The following PRIM2 variants were observed in gnomAD, a reference collection of about 807,000 sequenced individuals.
PRIM2 encodes DNA primase subunit 2.
In PRIM2, 39 loss-of-function variants were observed where a neutral mutation model predicts 67.3. The observed-to-expected ratio is 0.58, with a 90% CI of 0.45 to 0.76. The LOEUF (loss-of-function observed/expected upper bound fraction) is 0.76, where lower values mean the gene tolerates loss of function less well. Among genes scored for constraint, PRIM2 ranks in the 30% least tolerant of loss-of-function variants. The pLI, the probability that PRIM2 is intolerant of heterozygous loss-of-function variation, is 0.00. For missense variants in PRIM2, 398 were observed against 598.7 expected (o/e 0.66, Z 3.50); for synonymous variants, 143 against 198.7 (o/e 0.72, Z 2.36).
intron 5 of PRIM2, among the ~76,000 whole-genome samples, chr6:57,343,859 G>T (rs1261102307): frequency 6.6e-6 from 1 of 152,212 alleles, no homozygotes; most frequent in African/African-American, 2.4e-5. Flanking sequence ...AGAAGCTGAA[G>T]TTGGAATATG....
chr6:57,569,507 A>G (rs1298789486), intron 10 of PRIM2, among the ~76,000 whole-genome samples: 1 of 152,140 alleles, frequency 6.6e-6, no homozygotes, highest in African/African-American at 2.4e-5. Flanking sequence ...TCTTAAAACC[A>G]AAACACTGAT....
intron 5 of PRIM2, among the ~76,000 whole-genome samples, chr6:57,356,214 T>C (rs1196511946): frequency 6.6e-6 from 1 of 152,218 alleles, no homozygotes; most frequent in Non-Finnish European, 1.5e-5. Context: ...TGCTATTTAC[T>C]AGTTGTTTTT....
chr6:57,390,773 A>G (rs559925692), intron 7 of PRIM2, among the ~76,000 whole-genome samples: 1 of 152,108 alleles, frequency 6.6e-6, no homozygotes, highest in East Asian at 1.9e-4. Flanking sequence ...CACTTTCTTT[A>G]TCTAGTCTGT....
At chr6:57,602,933 C>T (rs1455909774) in intron 11 of PRIM2, among the ~76,000 whole-genome samples, 12 of 152,194 alleles carry the variant, frequency 7.9e-5, no homozygotes, top group South Asian at 4.1e-4. Flanking sequence ...CCCCAACACA[C>T]GCACAACCTC....
chr6:57,364,833 G>A (rs188994332), intron 5 of PRIM2, among the ~76,000 whole-genome samples: 36 of 152,256 alleles, frequency 2.4e-4, no homozygotes, highest in Middle Eastern at 3.4e-3. Context: ...TGGCCAACAA[G>A]TTCCCTTTTA....
chr6:57,258,055 T>G, the PRIM2 span, among the ~76,000 whole-genome samples: 51 of 152,346 alleles, frequency 3.3e-4, no homozygotes, highest in African/African-American at 1.1e-3. Context: ...TTTTCCTTTT[T>G]CTCTTCTCTG....
chr6:57,297,647 A>T, the PRIM2 span, among the ~76,000 whole-genome samples: 17 of 152,204 alleles, frequency 1.1e-4, no homozygotes, highest in African/African-American at 4.1e-4. Flanking sequence ...AACCTAGCAG[A>T]TAGCATCTTA....
chr6:57,516,987 T>C (rs1186938658), intron 8 of PRIM2, among the ~76,000 whole-genome samples: 5 of 152,166 alleles, frequency 3.3e-5, no homozygotes, highest in African/African-American at 1.2e-4. Context: ...TTGTAGCTTA[T>C]CTCCAACCAG....
the PRIM2 span, among the ~76,000 whole-genome samples, chr6:57,239,839 A>G: frequency 2.0e-5 from 3 of 152,182 alleles, no homozygotes; most frequent in Non-Finnish European, 2.9e-5. Flanking sequence ...TATTTATATC[A>G]TACTGCTTCT....
chr6:57,613,339 A>G (rs1776698928), intron 12 of PRIM2, among the ~76,000 whole-genome samples: 1 of 152,210 alleles, frequency 6.6e-6, no homozygotes, highest in African/African-American at 2.4e-5. Context: ...GATTTTAATA[A>G]TAAGCCATAA....
chr6:57,328,818 C>G (rs1451449389), intron 5 of PRIM2, among the ~76,000 whole-genome samples: 2 of 152,190 alleles, frequency 1.3e-5, no homozygotes, highest in East Asian at 3.9e-4. Context: ...ATATCCTCAC[C>G]AAAAATTGTT....
At chr6:57,473,986 T>A (rs1422324591) in intron 7 of PRIM2, among the ~76,000 whole-genome samples, 1 of 151,932 alleles carries the variant, frequency 6.6e-6, no homozygotes, top group Non-Finnish European at 1.5e-5. Flanking sequence ...ACATCTTTTC[T>A]TGTGCAAATT....
intron 10 of PRIM2, among the ~76,000 whole-genome samples, chr6:57,596,512 G>C (rs1937899428): frequency 1.3e-5 from 2 of 148,538 alleles, no homozygotes; most frequent in Non-Finnish European, 3.0e-5. Flanking sequence ...GAATTCTACA[G>C]GTTGATAGAA....
At chr6:57,413,306 G>A (rs1383569032) in intron 7 of PRIM2, among the ~76,000 whole-genome samples, 3 of 151,894 alleles carry the variant, frequency 2.0e-5, no homozygotes, top group Non-Finnish European at 4.4e-5. Context: ...GTATTTTGAT[G>A]GATAAAAGAA....
At chr6:57,633,706 G>A (rs1402114692) in intron 13 of PRIM2, among the ~76,000 whole-genome samples, 1 of 152,058 alleles carries the variant, frequency 6.6e-6, no homozygotes, top group Non-Finnish European at 1.5e-5. Context: ...AGATAATCAC[G>A]AGAAGCACGC....
At chr6:57,227,516 C>T in the PRIM2 span, among the ~76,000 whole-genome samples, 12 of 151,878 alleles carry the variant, frequency 7.9e-5, no homozygotes, top group Non-Finnish European at 1.3e-4. Context: ...TTGTGGCGCA[C>T]GCCTGTAATC....
intron 8 of PRIM2, among the ~76,000 whole-genome samples, chr6:57,519,524 C>G (rs1774566863): frequency 6.6e-6 from 1 of 152,206 alleles, no homozygotes; most frequent in South Asian, 2.1e-4. Context: ...AAATATGGCT[C>G]TGTTCCGCCC....
At chr6:57,619,925 G>A (rs1293896484) in intron 12 of PRIM2, among the ~76,000 whole-genome samples, 6 of 152,130 alleles carry the variant, frequency 3.9e-5, no homozygotes, top group South Asian at 4.2e-4. Flanking sequence ...GGCCAGGTGC[G>A]GTGGCTCACA....
intron 5 of PRIM2, among the ~76,000 whole-genome samples, chr6:57,355,920 G>T (rs7454510): frequency 0.012 from 1,830 of 152,244 alleles, 139 homozygotes; most frequent in Admixed American, 0.11. Flanking sequence ...AGGATTGCAG[G>T]TATGAGCCAC....
Sources: allele counts gnomAD v4.1 joint callset (sites outside exome capture counted in the v4.1 genomes callset), GRCh38; gene constraint gnomAD v4.1.1; transcripts MANE v1.5; gene names NCBI Gene and HGNC (gene_info 2026-07-23, HGNC 2026-07-21).